PI4KA: variants seen among roughly 807,000 people sequenced by gnomAD.
PI4KA encodes PI4-kinase alpha.
Under a neutral mutation model 271.4 loss-of-function variants are expected in PI4KA, and 122 were observed. That is an observed-to-expected ratio of 0.45 (90% CI 0.39 to 0.52). The LOEUF (loss-of-function observed/expected upper bound fraction) is 0.52. Ranked by LOEUF, PI4KA falls within the 20% of genes least tolerant of loss-of-function variation. The pLI, the probability that PI4KA is intolerant of heterozygous loss-of-function variation, is 0.00. For synonymous variants in PI4KA, 1,041 were observed against 1,078.8 expected (o/e 0.96, Z 0.69); for missense variants, 1,969 against 2,769.1 (o/e 0.71, Z 6.48).
intron 2 of PI4KA, among the ~76,000 whole-genome samples, chr22:20,835,771 G>A (rs1182198254): frequency 6.6e-6 from 1 of 151,558 alleles, no homozygotes; most frequent in Non-Finnish European, 1.5e-5. Flanking sequence ...GAAGGTGGCC[G>A]GGTGCGGTGG....
intron 9 of PI4KA, among the ~76,000 whole-genome samples, chr22:20,807,689 C>T (rs549379099): frequency 6.6e-6 from 1 of 152,248 alleles, no homozygotes; most frequent in Non-Finnish European, 1.5e-5. Context: ...GGGGAGCAGC[C>T]ATCTGCACCC....
Position 20,798,990 on chromosome 22 carries a change from C to T in PI4KA, c.2004+103G>A, listed in dbSNP as rs16988826. 7,479 of 926,682 alleles carry T rather than the reference C, an allele frequency of 8.1e-3. 355 individuals carry two copies. The African/African-American group carries it at 0.1, about 13-fold the overall frequency. The allele number at this position is 926,682 out of a possible 1,614,324, so 57.4% of individuals were successfully genotyped here. Reference sequence around the variant, plus strand: ...TTAAAACCGTTGTCAGCATTTAGCTCATCTGCAAGGTATATTTAATCTGTA... The same window carrying T: ...TTAAAACCGTTGTCAGCATTTAGCTTATCTGCAAGGTATATTTAATCTGTA... On this transcript the variant is annotated intron_variant, in intron 16 of 54. Coordinates refer to ENST00000255882, the MANE Select transcript of PI4KA (RefSeq NM_058004.4).
chr22:20,765,784 C>T (rs759688020), intron 19 of PI4KA, 91 bp from the exon 20 acceptor site: 156 of 799,426 alleles, frequency 2.0e-4, no homozygotes, highest in Non-Finnish European at 2.9e-4. Flanking sequence ...GATTCATTCT[C>T]TAAGAGCATT....
intron 52 of PI4KA, chr22:20,710,256 A>G: frequency 1.7e-6 from 1 of 577,094 alleles, no homozygotes; most frequent in South Asian, 2.0e-5. Flanking sequence ...GCTGCCGGCC[A>G]TGGCTTCTGC....
intron 19 of PI4KA, chr22:20,780,040 AT>A: frequency 2.5e-6 from 4 of 1,614,138 alleles, no homozygotes; most frequent in Non-Finnish European, 3.4e-6. Flanking sequence ...GTAAGAGAGT[AT>A]TACTTTGCTG....
chr22:20,858,518 G>C (rs1429401330), intron 1 of PI4KA, 52 bp downstream of exon 1: 3 of 1,246,346 alleles, frequency 2.4e-6, no homozygotes, highest in Non-Finnish European at 3.1e-6. Flanking sequence ...TCCACGCTTC[G>C]TCACCCCAGC....
chr22:20,855,051 C>T (rs555141505), intron 1 of PI4KA, among the ~76,000 whole-genome samples: 40 of 151,444 alleles, frequency 2.6e-4, no homozygotes, highest in Non-Finnish European at 5.4e-4. Context: ...ACTCAGGAGA[C>T]TGAGGCAGGA....
intron 43 of PI4KA, among the ~76,000 whole-genome samples, chr22:20,719,863 G>C (rs1461230834): frequency 6.6e-6 from 1 of 151,864 alleles, no homozygotes; most frequent in African/African-American, 2.4e-5. Context: ...CGTCTCTACT[G>C]AAAATACAAA....
intron 1 of PI4KA, among the ~76,000 whole-genome samples, chr22:20,842,588 G>A (rs1204084742): frequency 2.0e-5 from 3 of 152,060 alleles, no homozygotes; most frequent in South Asian, 4.1e-4. Context: ...TGAGGTGGGC[G>A]GATCACATGA....
chr22:20,779,523 C>T (rs1933580681), intron 19 of PI4KA: 2 of 1,613,946 alleles, frequency 1.2e-6, no homozygotes, highest in Non-Finnish European at 1.7e-6. Context: ...CGACTGGATT[C>T]CAGAGGGGGA....
chr22:20,765,547 G>T, intron 20 of PI4KA, 38 bp downstream of exon 20: 3 of 1,366,944 alleles, frequency 2.2e-6, no homozygotes, highest in Non-Finnish European at 3.1e-6. Flanking sequence ...CCTTCACTCT[G>T]CACTCCGTCT....
chr22:20,739,386 T>A (rs190128996), intron 32 of PI4KA, among the ~76,000 whole-genome samples: 9 of 146,224 alleles, frequency 6.2e-5, no homozygotes, highest in Non-Finnish European at 1.0e-4. Flanking sequence ...TCCCAGCTAC[T>A]GGGTCAGGAG....
chr22:20,720,729 T>C (rs1164590066), intron 43 of PI4KA, among the ~76,000 whole-genome samples: 1 of 152,230 alleles, frequency 6.6e-6, no homozygotes, highest in African/African-American at 2.4e-5. Flanking sequence ...AGCCGTCTTC[T>C]ACAAGGAAAT....
chr22:20,745,026 G>A (rs944150991), intron 29 of PI4KA, among the ~76,000 whole-genome samples: 2 of 152,188 alleles, frequency 1.3e-5, no homozygotes, highest in Non-Finnish European at 2.9e-5. Flanking sequence ...GAAACGCCAT[G>A]AAAGCATTCA....
chr22:20,821,543 T>A (rs1044562558), intron 4 of PI4KA, among the ~76,000 whole-genome samples: 1 of 151,480 alleles, frequency 6.6e-6, no homozygotes, highest in Non-Finnish European at 1.5e-5. Context: ...GTTAAGAAAT[T>A]TTTTTTTGTT....
At chr22:20,771,756 AT>A (rs1283652064) in intron 19 of PI4KA, among the ~76,000 whole-genome samples, 1 of 151,606 alleles carries the variant, frequency 6.6e-6, no homozygotes, top group Non-Finnish European at 1.5e-5. Flanking sequence ...TAATTTTTGT[AT>A]TTTTAGTAGG....
intron 20 of PI4KA, 135 bp downstream of exon 20, chr22:20,765,450 C>A: frequency 1.3e-6 from 1 of 758,090 alleles, no homozygotes; most frequent in Non-Finnish European, 2.3e-6. Flanking sequence ...GTAACACTTG[C>A]TAATACTTGC....
At chr22:20,725,682 C>A in intron 42 of PI4KA, 1 of 339,466 alleles carries the variant, frequency 2.9e-6, no homozygotes, top group Admixed American at 3.0e-5. Context: ...ATTGCCTGAG[C>A]TCAGGAGTTT....
At chr22:20,733,437 A>G (rs1928306719) in intron 35 of PI4KA, among the ~76,000 whole-genome samples, 1 of 149,408 alleles carries the variant, frequency 6.7e-6, no homozygotes, top group African/African-American at 2.5e-5. Context: ...TTCTTCGTGC[A>G]ATAAGCCTTC....
Sources: gnomAD v4.1 joint callset for allele counts (sites outside exome capture counted in the v4.1 genomes callset) on GRCh38, gnomAD v4.1.1 for gene constraint, MANE v1.5 for transcripts, NCBI Gene and HGNC (gene_info 2026-07-23, HGNC 2026-07-21) for gene names.